HIVEP2: variants seen among roughly 807,000 people sequenced by gnomAD.
The protein encoded by HIVEP2 is HIVEP zinc finger 2, also known as transcription factor HIVEP2.
HIVEP2 carries 14 observed loss-of-function variants against 180.7 expected under a neutral mutation model. That is an observed-to-expected ratio of 0.08 (90% CI 0.05 to 0.12). The LOEUF (loss-of-function observed/expected upper bound fraction) is 0.12, where lower values mean the gene tolerates loss of function less well. Among genes scored for constraint, HIVEP2 ranks in the 10% least tolerant of loss-of-function variants. HIVEP2 has a pLI of 1.00. For missense variants in HIVEP2, 2,579 were observed against 3,008.5 expected, an observed-to-expected ratio of 0.86 and a Z score of 3.34; for synonymous variants, 1,184 against 1,136.4, an observed-to-expected ratio of 1.04 and a Z score of -0.84.
Position 142,769,742 on chromosome 6 carries a change from T to G in HIVEP2, c.4997A>C (p.Lys1666Thr), listed in dbSNP as rs768059241. ...KPNYVQQATF[K>T]SSVYASWCIS... Reference sequence around the variant, plus strand: ...GCACCATGAAGCATAAACCGAGGATTTGAAGGTGGCCTGTTGCACATAATT... The same window carrying G: ...GCACCATGAAGCATAAACCGAGGATGTGAAGGTGGCCTGTTGCACATAATT... Residue 1666 changes from lysine to threonine, a missense_variant, in exon 5 of 10, where the codon AAA becomes ACA. Physicochemically the swap from Lys to Thr is moderately conservative, Grantham distance 78 (BLOSUM62 -1). This residue lies in a region of HIVEP2 where 349 missense variants were observed against 367.2 expected (regional missense o/e 0.95). Coordinates refer to ENST00000367603, the MANE Select transcript of HIVEP2 (RefSeq NM_006734.4). The G allele has an allele frequency of 6.2e-7, 1 of 1,614,232 alleles. No individual in the cohort carries two copies. Among genetic ancestry groups the G allele is most frequent in the Non-Finnish European group, 8.5e-7 (1 of 1,180,046 alleles).
intron 1 of HIVEP2, among the ~76,000 whole-genome samples, chr6:142,873,454 G>A: frequency 6.6e-6 from 1 of 152,044 alleles, no homozygotes; most frequent in East Asian, 1.9e-4. Context: ...AGTAAATGAG[G>A]TACACCATGA....
At chr6:142,806,949 C>T (rs1776569551) in intron 2 of HIVEP2, among the ~76,000 whole-genome samples, 1 of 152,160 alleles carries the variant, frequency 6.6e-6, no homozygotes, top group Non-Finnish European at 1.5e-5. Flanking sequence ...CAATACCCAG[C>T]TCCTACTCTG....
chr6:142,816,823 A>G (rs142106299), intron 2 of HIVEP2, among the ~76,000 whole-genome samples: 133 of 152,322 alleles, frequency 8.7e-4, no homozygotes, highest in African/African-American at 3.0e-3. Context: ...CTGGTTCTAT[A>G]TGAATTTTTA....
At chr6:142,789,148 AT>A (rs1776076978) in intron 2 of HIVEP2, among the ~76,000 whole-genome samples, 1 of 152,144 alleles carries the variant, frequency 6.6e-6, no homozygotes, top group Non-Finnish European at 1.5e-5. Context: ...AGAGAAAATC[AT>A]TTTTTGTTAA....
chr6:142,886,426 C>T (rs553371861), intron 1 of HIVEP2, among the ~76,000 whole-genome samples: 2 of 152,266 alleles, frequency 1.3e-5, no homozygotes, highest in East Asian at 1.9e-4. Context: ...GCAAGCAGGT[C>T]GTTCACAGAA....
At chr6:142,805,360 C>A in intron 2 of HIVEP2, among the ~76,000 whole-genome samples, 1 of 139,934 alleles carries the variant, frequency 7.1e-6, no homozygotes, top group African/African-American at 2.6e-5. Flanking sequence ...CTCCTCTCTA[C>A]CCCCTGAAAT....
At chr6:142,944,289 G>A (rs973948036) in intron 1 of HIVEP2, among the ~76,000 whole-genome samples, 11 of 151,964 alleles carry the variant, frequency 7.2e-5, no homozygotes, top group African/African-American at 2.2e-4. Flanking sequence ...GGGACAGAAC[G>A]CGGGAGGCAC....
chr6:142,867,296 A>G lies in HIVEP2; in HGVS notation c.-640-30249T>C, dbSNP rs529217837. 7.6e-4 allele frequency among the ~76,000 whole-genome samples: 115 copies of G among 152,294 alleles called. 1 individual carries two copies. The highest frequency in any genetic ancestry group is 1.3e-3 in the Non-Finnish European group (90 of 68,014). ...GCTGTGGCCAAACCTGGTGAAGACT[A>G]CACATCAGTGGTCTTTCTTATTATA... On this transcript the variant is annotated intron_variant, in intron 1 of 9. Transcript: ENST00000367603.
intron 2 of HIVEP2, among the ~76,000 whole-genome samples, chr6:142,817,033 T>C (rs868758547): frequency 1.3e-5 from 2 of 152,136 alleles, no homozygotes; most frequent in Admixed American, 6.5e-5. Flanking sequence ...AGCAAGGGCA[T>C]GAGAGGACTT....
Position 142,848,827 on chromosome 6 carries a change from T to C in HIVEP2, c.-640-11780A>G, listed in dbSNP as rs189781516. 3.3e-5 allele frequency among the ~76,000 whole-genome samples: 5 copies of C among 152,276 alleles called. No homozygotes were observed. The South Asian group carries it at 8.3e-4, about 25-fold the overall frequency. On this transcript the variant is annotated intron_variant, in intron 1 of 9. Coordinates refer to ENST00000367603, the MANE Select transcript of HIVEP2 (RefSeq NM_006734.4). The stretch of plus-strand genomic sequence containing the variant: ...CCAAATAACTGCTGCTGCCATTCCA[T>C]GAACTGATCTCTATTTAAATCAAGT...
chr6:142,898,982 G>A (rs147934249), intron 1 of HIVEP2, among the ~76,000 whole-genome samples: 29 of 152,278 alleles, frequency 1.9e-4, no homozygotes, highest in Admixed American at 1.8e-3. Flanking sequence ...GGCTTCCTCT[G>A]TATCATTCTT....
intron 1 of HIVEP2, among the ~76,000 whole-genome samples, chr6:142,900,605 C>G (rs947849512): frequency 6.6e-6 from 1 of 152,102 alleles, no homozygotes; most frequent in Admixed American, 6.5e-5. Context: ...AAAGCAATAA[C>G]TATGTTGACA....
intron 2 of HIVEP2, among the ~76,000 whole-genome samples, chr6:142,821,587 A>G (rs1362372504): frequency 1.3e-5 from 2 of 152,240 alleles, no homozygotes; most frequent in Admixed American, 6.5e-5. Context: ...GGCACGAGGA[A>G]GTGAACTCTA....
Position 142,760,179 on chromosome 6 carries a change from T to C in HIVEP2, c.6109A>G (p.Arg2037Gly), listed in dbSNP as rs756892406. The change falls in exon 9 of 10, where the codon AGG (arginine) becomes GGG (glycine). Residue 2037 changes from arginine to glycine, a missense_variant. Around this residue, in one of 11 missense-constraint regions of HIVEP2, gnomAD observed 660 missense variants for 731.7 expected, o/e 0.90. Coordinates refer to ENST00000367603, the MANE Select transcript of HIVEP2 (RefSeq NM_006734.4). ...MLPSEPSSSP[R>G]DFSPSSHHSS... ...TGGTGGCTTGAGGGTGAGAAGTCCC[T>C]GGGAGAGGAGCTTGGCTCTGAAGGT... The C allele has an allele frequency of 1.9e-6, 3 of 1,614,184 alleles. No homozygotes were observed. Among genetic ancestry groups the C allele is most frequent in the South Asian group, 1.1e-5 (1 of 91,086 alleles).
chr6:142,872,986 C>T (rs866739969), intron 1 of HIVEP2, among the ~76,000 whole-genome samples: 2 of 152,194 alleles, frequency 1.3e-5, no homozygotes, highest in African/African-American at 2.4e-5. Flanking sequence ...CTAACAAGGT[C>T]ACAAGGGCAA....
chr6:142,903,475 G>A (rs1239342813), intron 1 of HIVEP2, among the ~76,000 whole-genome samples: 1 of 152,088 alleles, frequency 6.6e-6, no homozygotes, highest in African/African-American at 2.4e-5. Flanking sequence ...TTCTGTACTT[G>A]GAGTACAATC....
intron 2 of HIVEP2, among the ~76,000 whole-genome samples, chr6:142,829,719 CA>C (rs1775025739): frequency 6.6e-6 from 1 of 152,092 alleles, no homozygotes; most frequent in South Asian, 2.1e-4. Context: ...TAAAAATAGC[CA>C]AAAAAGCTCA....
intron 2 of HIVEP2, among the ~76,000 whole-genome samples, chr6:142,804,206 A>G (rs1776487893): frequency 6.6e-6 from 1 of 152,224 alleles, no homozygotes; most frequent in African/African-American, 2.4e-5. Context: ...GGACTTGTGA[A>G]TAATTATAAA....
At chr6:142,810,359 C>A (rs570963089) in intron 2 of HIVEP2, among the ~76,000 whole-genome samples, 2 of 151,856 alleles carry the variant, frequency 1.3e-5, no homozygotes, top group Non-Finnish European at 2.9e-5. Context: ...ATACATAGTC[C>A]ACATCTTTGG....
Sources: gnomAD v4.1 joint callset for allele counts (sites outside exome capture counted in the v4.1 genomes callset) on GRCh38, gnomAD v4.1.1 for gene constraint, gnomAD v4.1.1 regional missense constraint, MANE v1.5 for transcripts, NCBI Gene and HGNC (gene_info 2026-07-23, HGNC 2026-07-21) for gene names.